CPSF4: variants seen among roughly 807,000 people sequenced by gnomAD.
The protein encoded by CPSF4 is cleavage and polyadenylation specificity factor subunit 4.
A neutral mutation model predicts 37.7 loss-of-function variants in CPSF4; 11 were observed. The ratio of observed to expected loss-of-function variants is 0.29; its 90% confidence interval spans 0.18 to 0.48. CPSF4 has a LOEUF of 0.48. Among genes scored for constraint, CPSF4 ranks in the 20% least tolerant of loss-of-function variants. CPSF4 has a pLI of 0.99. For missense variants in CPSF4, 144 were observed against 359.5 expected, an observed-to-expected ratio of 0.40 and a Z score of 4.85; for synonymous variants, 132 against 135.9, an observed-to-expected ratio of 0.97 and a Z score of 0.20.
chr7:99,454,407 G>A (rs1176269085), intron 7 of CPSF4, among the ~76,000 whole-genome samples: 2 of 152,202 alleles, frequency 1.3e-5, no homozygotes, highest in African/African-American at 4.8e-5. Context: ...AAGCCCCCAA[G>A]AGGCCGGGAA....
Position 99,454,246 on chromosome 7 carries a change from GC to G in CPSF4, c.741+111del, listed in dbSNP as rs1798140659. On this transcript the variant is annotated intron_variant, in intron 7 of 7. Coordinates refer to ENST00000292476, the MANE Select transcript of CPSF4 (RefSeq NM_006693.4). ...GAGAAAAATGAAAACATTCATTTTT[GC>G]TGATTGTAAGCATAAAGTTACAGTC... 9 of 1,067,508 alleles carry G rather than the reference GC, an allele frequency of 8.4e-6. No homozygotes were observed. In the South Asian group the frequency reaches 1.3e-4, roughly 15 times the overall value. The allele number at this position is 1,067,508 out of a possible 1,614,324, so 66.1% of individuals were successfully genotyped here.
At chr7:99,440,081 C>G (rs375233985) in intron 1 of CPSF4, among the ~76,000 whole-genome samples, 3 of 152,194 alleles carry the variant, frequency 2.0e-5, no homozygotes, top group Non-Finnish European at 2.9e-5. Context: ...TACTTGAAAT[C>G]TAATGCTATA....
At position 99,448,643 on chromosome 7, in the gene CPSF4, A is replaced by G. The variant is rs45451206; in HGVS notation, c.307+370A>G. On this transcript the variant is annotated intron_variant, in intron 3 of 7. Transcript: ENST00000292476. The surrounding 1 kb of genome is among the most constrained non-coding windows in gnomAD (Gnocchi z 4.4). The stretch of plus-strand genomic sequence containing the variant: ...TGCTTCAGTGTTTGGAGCTCTTTCA[A>G]TCACTCGGATTTGAGGCTAACGAGG... The G allele has an allele frequency of 5.8e-3, 977 of 167,996 alleles. 14 individuals carry two copies. Among genetic ancestry groups the G allele is most frequent in the African/African-American group, 0.022 (922 of 41,830 alleles). The allele number at this position is 167,996 out of a possible 1,614,324, so 10.4% of individuals were successfully genotyped here.
Position 99,453,871 on chromosome 7 carries a change from G to T in CPSF4, c.571-95G>T. ...GTGGAAGCCCTGCTTCCTGCCGTTT[G>T]CGGGACGAGTCCCGCCCTCTTTTTT... On this transcript the variant is annotated intron_variant, in intron 6 of 7. Coordinates refer to ENST00000292476, the MANE Select transcript of CPSF4 (RefSeq NM_006693.4). This position sits in a 1 kb window ranked among gnomAD's most constrained non-coding sequence, Gnocchi z 4.7. 100 of 1,183,432 alleles carry T rather than the reference G, an allele frequency of 8.4e-5. No homozygotes were observed. Among genetic ancestry groups the T allele is most frequent in the East Asian group, 2.2e-4 (9 of 40,534 alleles). The allele number at this position is 1,183,432 out of a possible 1,614,324, so 73.3% of individuals were successfully genotyped here.
chr7:99,439,226 ACCCGGGACCCGCTCCTCTGTGAT>A, intron 1 of CPSF4, 41 bp downstream of exon 1: 1 of 1,427,756 alleles, frequency 7.0e-7, no homozygotes, highest in South Asian at 1.2e-5. Flanking sequence ...AGCGACTCGA[ACCCGGGACCCGCTCCTCTGTGAT>A]CCCGGGACTC....
chr7:99,456,780 G>A lies in CPSF4; in HGVS notation c.*280G>A. Reference sequence around the variant, plus strand: ...CTCCCGGCACAACTCCCCTCATCCAGGGAGGGAGGCAGCTGCTGGGGAGGG... The same window carrying A: ...CTCCCGGCACAACTCCCCTCATCCAAGGAGGGAGGCAGCTGCTGGGGAGGG... On this transcript the variant is annotated 3_prime_UTR_variant, in exon 8 of 8. Coordinates refer to ENST00000292476, the MANE Select transcript of CPSF4 (RefSeq NM_006693.4). 3.9e-6 allele frequency: 2 copies of A among 515,534 alleles called. No individual in the cohort carries two copies. The highest frequency in any genetic ancestry group is 3.8e-5 in the South Asian group (2 of 52,384). The allele number at this position is 515,534 out of a possible 1,614,324, so 31.9% of individuals were successfully genotyped here. A position where few individuals can be genotyped will look rare whatever the true frequency, so the allele number is the denominator to read the frequency against.
intron 2 of CPSF4, among the ~76,000 whole-genome samples, chr7:99,446,073 T>C (rs1161472141): frequency 6.6e-6 from 1 of 152,166 alleles, no homozygotes; most frequent in Non-Finnish European, 1.5e-5. Context: ...TTGGTGAGTT[T>C]TGCTTCTATA....
At chr7:99,440,655 C>CGCATAT (rs1363427698) in intron 1 of CPSF4, among the ~76,000 whole-genome samples, 4 of 90,628 alleles carry the variant, frequency 4.4e-5, no homozygotes, top group Admixed American at 1.2e-4. Flanking sequence ...CTGCACCTGG[C>CGCATAT]ATATATATAT....
intron 2 of CPSF4, 62 bp downstream of exon 2, chr7:99,444,901 G>A: frequency 6.8e-7 from 1 of 1,469,854 alleles, no homozygotes; most frequent in Non-Finnish European, 9.5e-7. Context: ...CTTCTCCCCG[G>A]CAGACTTGGA....
chr7:99,456,535 C>A lies in CPSF4; in HGVS notation c.*35C>A. On this transcript the variant is annotated 3_prime_UTR_variant, in exon 8 of 8. Coordinates refer to ENST00000292476, the MANE Select transcript of CPSF4 (RefSeq NM_006693.4). ...GAGCCAGCTCCGAGCAGCCCGGGGGCCCCGCTGTTGGGAGTGTGCATTTAA... is the reference window on the plus strand; with the variant it reads ...GAGCCAGCTCCGAGCAGCCCGGGGGACCCGCTGTTGGGAGTGTGCATTTAA... The A allele has an allele frequency of 6.3e-7, 1 of 1,592,536 alleles. No homozygotes were observed. Among genetic ancestry groups the A allele is most frequent in the Non-Finnish European group, 8.6e-7 (1 of 1,161,422 alleles).
intron 2 of CPSF4, chr7:99,447,899 T>C (rs1446700702): frequency 5.1e-6 from 3 of 588,772 alleles, no homozygotes; most frequent in Non-Finnish European, 9.5e-6. Flanking sequence ...CGTGATCCAC[T>C]GCGCCCGGCC....
rs772613412 is a variant in CPSF4, at chr7:99,444,805, C to T, written c.120C>T (p.Val40=). 1.9e-6 allele frequency: 3 copies of T among 1,613,748 alleles called. No homozygotes were observed. In the East Asian group the frequency reaches 6.7e-5, roughly 36 times the overall value. ...FPGMDKSGAA[V]CEFFLKAACG... is the part of the protein sequence containing the mutation. The stretch of plus-strand genomic sequence containing the variant: ...TTTCTACAGAGTCGGGCGCTGCTGT[C>T]TGTGAATTCTTTTTGAAAGCTGCCT... The change falls in exon 2 of 8, where the codon GTC becomes GTT. Residue 40 remains valine, a synonymous_variant. Transcript: ENST00000292476.
intron 2 of CPSF4, among the ~76,000 whole-genome samples, chr7:99,446,984 T>C (rs1311497625): frequency 6.6e-6 from 1 of 150,936 alleles, no homozygotes; most frequent in Non-Finnish European, 1.5e-5. Context: ...AGAGACAGGG[T>C]TTCATTATGT....
intron 1 of CPSF4, among the ~76,000 whole-genome samples, chr7:99,440,304 C>T (rs538910368): frequency 6.6e-6 from 1 of 152,296 alleles, no homozygotes; most frequent in East Asian, 1.9e-4. Context: ...CACACCTTCT[C>T]ATGCACATGT....
At chr7:99,454,204 C>A in intron 7 of CPSF4, 68 bp downstream of exon 7, 1 of 1,366,600 alleles carries the variant, frequency 7.3e-7, no homozygotes, top group Non-Finnish European at 1.0e-6. Context: ...CCTCATGCCC[C>A]ATGTGTTTGG....
At chr7:99,454,263 A>G in intron 7 of CPSF4, 127 bp downstream of exon 7, 1 of 903,822 alleles carries the variant, frequency 1.1e-6, no homozygotes, top group Non-Finnish European at 1.6e-6. Context: ...GTAAGCATAA[A>G]GTTACAGTCT....
At chr7:99,446,437 C>T (rs1797499329) in intron 2 of CPSF4, among the ~76,000 whole-genome samples, 1 of 152,168 alleles carries the variant, frequency 6.6e-6, no homozygotes, top group Non-Finnish European at 1.5e-5. Context: ...CAGAAGTGTA[C>T]AGCGGCCTCA....
chr7:99,443,537 TG>T, intron 1 of CPSF4: 3 of 648,214 alleles, frequency 4.6e-6, no homozygotes, highest in Non-Finnish European at 8.4e-6. Flanking sequence ...TAATTGTATG[TG>T]GGGTGGGGTG....
At chr7:99,450,106 T>C (rs2151004444) in intron 3 of CPSF4, among the ~76,000 whole-genome samples, 170 bp from the exon 4 acceptor site, 1 of 152,282 alleles carries the variant, frequency 6.6e-6, no homozygotes, top group African/African-American at 2.4e-5. Context: ...AATGGGTGCA[T>C]TTCCATCACA....
Sources: gnomAD v4.1 joint callset for allele counts (sites outside exome capture counted in the v4.1 genomes callset) on GRCh38, gnomAD v4.1.1 for gene constraint, Gnocchi (gnomAD v3.1) non-coding constraint, MANE v1.5 for transcripts, NCBI Gene and HGNC (gene_info 2026-07-23, HGNC 2026-07-21) for gene names.